Variants in KIF1C observed in about 807,000 individuals in gnomAD.
KIF1C encodes the protein kinesin family member 1C.
Under a neutral mutation model 126.5 loss-of-function variants are expected in KIF1C, and 61 were observed. The ratio of observed to expected loss-of-function variants is 0.48; its 90% CI spans 0.39 to 0.60. The LOEUF is 0.60. KIF1C is among the 20% of genes least tolerant of loss of function. KIF1C has a pLI of 0.00. For synonymous variants in KIF1C, 640 were observed against 580.6 expected, an observed-to-expected ratio of 1.10 and a Z score of -1.47; for missense variants, 1,315 against 1,489.2, an observed-to-expected ratio of 0.88 and a Z score of 1.93.
chr17:5,025,884 C>G lies in KIF1C; in HGVS notation c.*1733C>G, dbSNP rs552576944. Reference sequence around the variant, plus strand: ...ATGTTCTGGCTTGAGGCAGCGAGCCCTTGACTATGCCACATTGCCAGGATT... The same window carrying G: ...ATGTTCTGGCTTGAGGCAGCGAGCCGTTGACTATGCCACATTGCCAGGATT... On this transcript the variant is annotated 3_prime_UTR_variant, in exon 23 of 23. Transcript: ENST00000320785. 5.3e-5 allele frequency: 8 copies of G among 152,316 alleles called. No homozygotes were observed. The East Asian group carries it at 1.4e-3, about 26-fold the overall frequency. The allele number at this position is 152,316 out of a possible 1,614,324, so 9.4% of individuals were successfully genotyped here. A position where few individuals can be genotyped will look rare whatever the true frequency, so the allele number is the denominator to read the frequency against.
chr17:5,003,593 C>T lies in KIF1C; in HGVS notation c.721-19C>T, dbSNP rs1164036325. ...CCCCCACCCGCACCTTATCTCCTGCCTGTTTCCTCTGACCCCAGGTCAGTA... is the reference window on the plus strand; with the variant it reads ...CCCCCACCCGCACCTTATCTCCTGCTTGTTTCCTCTGACCCCAGGTCAGTA... On this transcript the variant is annotated intron_variant, in intron 8 of 22. Coordinates refer to ENST00000320785, the MANE Select transcript of KIF1C (RefSeq NM_006612.6). The T allele has an allele frequency of 1.3e-6, 2 of 1,594,616 alleles. No individual in the cohort carries two copies. Among genetic ancestry groups the T allele is most frequent in the African/African-American group, 1.3e-5 (1 of 74,470 alleles).
intron 15 of KIF1C, 28 bp from the exon 16 acceptor site, chr17:5,007,439 C>CT: frequency 1.2e-6 from 2 of 1,608,840 alleles, no homozygotes; most frequent in Non-Finnish European, 1.7e-6. Context: ...GAAGGTAAGA[C>CT]TGACATTTGC....
intron 18 of KIF1C, among the ~76,000 whole-genome samples, chr17:5,018,660 CCTCCAACAAGAGTTTCA>C (rs902438020): frequency 5.4e-4 from 82 of 151,688 alleles, no homozygotes; most frequent in Admixed American, 2.6e-3. Flanking sequence ...TGCACTCCAG[CCTCCAACAAGAGTTTCA>C]CTCCAACAAG....
intron 17 of KIF1C, 79 bp downstream of exon 17, chr17:5,013,811 C>G: frequency 9.1e-7 from 1 of 1,093,838 alleles, no homozygotes; most frequent in Non-Finnish European, 1.4e-6. Context: ...ATTGGTGTCT[C>G]CCTTCCCTGG....
At position 5,020,994 on chromosome 17, in the gene KIF1C, A is replaced by G. The variant is rs1297246198; in HGVS notation, c.2010+116A>G. The G allele has an allele frequency of 1.7e-4, 142 of 832,896 alleles. No individual in the cohort carries two copies. The East Asian group carries it at 3.8e-3, about 22-fold the overall frequency. The allele number at this position is 832,896 out of a possible 1,614,324, so 51.6% of individuals were successfully genotyped here. On this transcript the variant is annotated intron_variant, in intron 21 of 22. Transcript: ENST00000320785. The surrounding 1 kb of genome is among the most constrained non-coding windows in gnomAD (Gnocchi z 5.8). The stretch of plus-strand genomic sequence containing the variant: ...GGAAATGGGCATGGGGGTAAGGGGA[A>G]GGGTCCAAGAGGAAAAAGCCAGGAG...
Position 5,001,205 on chromosome 17 carries a change from C to T in KIF1C, c.184-17C>T, listed in dbSNP as rs374750228. ...TCCAGGGTTACTCTGTTTTTCTCTG[C>T]CCCCACTTTCTCCTAGACGGAGGAC... On this transcript the variant is annotated splice_polypyrimidine_tract_variant and intron_variant, in intron 4 of 22. Transcript: ENST00000320785. 68 of 1,612,468 alleles carry T rather than the reference C, an allele frequency of 4.2e-5. No homozygotes were observed. The highest frequency in any genetic ancestry group is 5.5e-5 in the Non-Finnish European group (65 of 1,178,954).
intron 16 of KIF1C, among the ~76,000 whole-genome samples, chr17:5,010,678 C>T (rs1016096528): frequency 2.0e-5 from 3 of 149,930 alleles, no homozygotes; most frequent in African/African-American, 4.9e-5. Flanking sequence ...ACCCGGGAGG[C>T]GGAGCTTGCA....
intron 16 of KIF1C, among the ~76,000 whole-genome samples, chr17:5,012,956 G>A (rs1486906433): frequency 6.6e-6 from 1 of 152,154 alleles, no homozygotes; most frequent in Non-Finnish European, 1.5e-5. Context: ...ACTTGGCTGG[G>A]GGCCTTAGGC....
intron 16 of KIF1C, among the ~76,000 whole-genome samples, chr17:5,008,630 G>A (rs943526813): frequency 6.6e-6 from 1 of 152,234 alleles, no homozygotes; most frequent in Admixed American, 6.5e-5. Flanking sequence ...CTGAACCCCT[G>A]TTCTGAAAAG....
At chr17:5,008,639 AGAG>A (rs1974790041) in intron 16 of KIF1C, among the ~76,000 whole-genome samples, 1 of 152,220 alleles carries the variant, frequency 6.6e-6, no homozygotes, top group Non-Finnish European at 1.5e-5. Context: ...TGTTCTGAAA[AGAG>A]GAGAGGGGTT....
intron 18 of KIF1C, among the ~76,000 whole-genome samples, chr17:5,015,136 T>G (rs1027035406): frequency 6.6e-6 from 1 of 152,178 alleles, no homozygotes; most frequent in African/African-American, 2.4e-5. Context: ...GAAGAGAAGA[T>G]CCTGCCCTTC....
chr17:5,004,541 AG>A (rs774920316), intron 11 of KIF1C, 25 bp from the exon 12 acceptor site: 4 of 1,611,884 alleles, frequency 2.5e-6, no homozygotes, highest in Non-Finnish European at 3.4e-6. Context: ...CCTCAGCTGA[AG>A]CTTTTCCATG....
Position 5,022,709 on chromosome 17 carries a change from G to T in KIF1C, c.2628G>T (p.Gln876His). The T allele has an allele frequency of 6.6e-7, 1 of 1,525,848 alleles. No individual in the cohort carries two copies. 94.5% of individuals were successfully genotyped at this position (1,525,848 alleles called of 1,614,324 possible). ...LRMERVIPLA[Q>H]DHEDENEEGG... ...TGGAGAGGGTCATCCCCCTGGCCCA[G>T]GTAGGACTGGCCTTCTGCCTCCCTT... Residue 876 changes from glutamine (Q) to histidine (H), a missense_variant and splice_region_variant, in exon 22 of 23, where the codon CAG (glutamine) becomes CAT (histidine). By Grantham distance (24) the Gln-to-His change is conservative. This residue lies in a region of KIF1C where 441 missense variants were observed against 436.1 expected (regional missense o/e 1.01). Coordinates refer to ENST00000320785, the MANE Select transcript of KIF1C (RefSeq NM_006612.6). The surrounding 1 kb of genome is among the most constrained non-coding windows in gnomAD (Gnocchi z 4.9).
intron 16 of KIF1C, among the ~76,000 whole-genome samples, chr17:5,010,308 A>G (rs867120215): frequency 1.3e-5 from 2 of 151,560 alleles, no homozygotes; most frequent in South Asian, 4.2e-4. Context: ...AATGTATTTA[A>G]CCAGCTTCCC....
rs1188301584 is a variant in KIF1C, at chr17:5,004,836, C to G, written c.1020-19C>G. On this transcript the variant is annotated intron_variant, in intron 12 of 22. Coordinates refer to ENST00000320785, the MANE Select transcript of KIF1C (RefSeq NM_006612.6). ...CCCCTGCCCCCAGGCCTCACCGACC[C>G]TGCTCCTCTGTCACCCAGGTATGCT... is the stretch of plus-strand genomic sequence containing the variant. 8 of 1,614,020 alleles carry G rather than the reference C, an allele frequency of 5.0e-6. No homozygotes were observed. The highest frequency in any genetic ancestry group is 6.8e-6 in the Non-Finnish European group (8 of 1,180,010).
At chr17:5,000,668 G>A in intron 3 of KIF1C, 104 bp from the exon 4 acceptor site, 2 of 1,011,980 alleles carry the variant, frequency 2.0e-6, no homozygotes, top group Middle Eastern at 2.1e-4. Flanking sequence ...CAGGACAGTG[G>A]TGAGGAGTGG....
At chr17:5,002,035 G>A (rs1348848015) in intron 5 of KIF1C, 24 bp from the exon 6 acceptor site, 8 of 1,611,254 alleles carry the variant, frequency 5.0e-6, no homozygotes, top group East Asian at 2.2e-5. Context: ...GAGCTTCTCT[G>A]TATTTCCCTG....
intron 17 of KIF1C, chr17:5,014,373 C>T (rs904428997): frequency 1.4e-5 from 3 of 215,544 alleles, no homozygotes; most frequent in South Asian, 1.9e-4. Flanking sequence ...TGGGGTATGG[C>T]TGCTGAGGGT....
rs986362916 is a variant in KIF1C, at chr17:5,025,450, T to G, written c.*1299T>G. The G allele has an allele frequency of 6.6e-6, 1 of 152,246 alleles. No individual in the cohort carries two copies. Among genetic ancestry groups the G allele is most frequent in the African/African-American group, 2.4e-5 (1 of 41,452 alleles). The allele number at this position is 152,246 out of a possible 1,614,324, so 9.4% of individuals were successfully genotyped here. A position where few individuals can be genotyped will look rare whatever the true frequency, so the allele number is the denominator to read the frequency against. On this transcript the variant is annotated 3_prime_UTR_variant, in exon 23 of 23. Transcript: ENST00000320785. ...CAAGCATACTGCGCTTACCTGATTGTTTTCATCCTGGTTGTGTTACCTGCC... is the reference window on the plus strand; with the variant it reads ...CAAGCATACTGCGCTTACCTGATTGGTTTCATCCTGGTTGTGTTACCTGCC...
Sources: gnomAD v4.1 joint callset for allele counts (sites outside exome capture counted in the v4.1 genomes callset) on GRCh38, gnomAD v4.1.1 for gene constraint, gnomAD v4.1.1 regional missense constraint, Gnocchi (gnomAD v3.1) non-coding constraint, MANE v1.5 for transcripts, NCBI Gene and HGNC (gene_info 2026-07-23, HGNC 2026-07-21) for gene names.